The following CTNNA2 variants were observed in gnomAD, a reference collection of about 807,000 sequenced individuals.
CTNNA2 encodes catenin alpha-2.
A neutral mutation model predicts 101.0 loss-of-function variants in CTNNA2; 42 were observed. The observed-to-expected ratio is 0.42, with a 90% CI of 0.32 to 0.54. The LOEUF (loss-of-function observed/expected upper bound fraction) is 0.54, where lower values mean the gene tolerates loss of function less well. CTNNA2 is among the 20% of genes least tolerant of loss of function. The pLI is 0.14. For synonymous variants in CTNNA2, 450 were observed against 456.4 expected, an observed-to-expected ratio of 0.99 and a Z score of 0.18; for missense variants, 871 against 1,223.1, an observed-to-expected ratio of 0.71 and a Z score of 4.29.
intron 7 of CTNNA2, among the ~76,000 whole-genome samples, chr2:80,134,196 G>C (rs548052633): frequency 8.2e-4 from 125 of 152,238 alleles, no homozygotes; most frequent in Non-Finnish European, 1.5e-3. Context: ...CTTGTTTTAA[G>C]ATGAGAGTAG....
At chr2:80,526,762 C>T (rs963119508) in intron 9 of CTNNA2, among the ~76,000 whole-genome samples, 2 of 152,212 alleles carry the variant, frequency 1.3e-5, no homozygotes, top group Non-Finnish European at 2.9e-5. Flanking sequence ...TTAAAACTCA[C>T]ACATTCCAAC....
chr2:79,465,629 C>T (rs945984879), intron 4 of CTNNA2, among the ~76,000 whole-genome samples: 3 of 152,160 alleles, frequency 2.0e-5, no homozygotes, highest in African/African-American at 7.2e-5. Flanking sequence ...GAATGTTCTT[C>T]TATTTGTTTG....
At chr2:79,809,888 G>T (rs994174209) in intron 3 of CTNNA2, among the ~76,000 whole-genome samples, 1 of 151,996 alleles carries the variant, frequency 6.6e-6, no homozygotes, top group Non-Finnish European at 1.5e-5. Flanking sequence ...GTATGGCCTA[G>T]GTTTTCTTCT....
At chr2:79,376,731 C>T (rs543706094) in intron 4 of CTNNA2, among the ~76,000 whole-genome samples, 16 of 152,026 alleles carry the variant, frequency 1.1e-4, no homozygotes, top group African/African-American at 3.4e-4. Context: ...TGAGAACATG[C>T]GGTGTTTGGT....
chr2:79,728,592 T>G (rs1687007541), intron 2 of CTNNA2, among the ~76,000 whole-genome samples: 1 of 152,212 alleles, frequency 6.6e-6, no homozygotes, highest in Non-Finnish European at 1.5e-5. Context: ...AGATCCCATT[T>G]GTCAATTTTG....
At chr2:80,365,366 C>T (rs1030013102) in intron 7 of CTNNA2, among the ~76,000 whole-genome samples, 5 of 152,104 alleles carry the variant, frequency 3.3e-5, no homozygotes, top group Non-Finnish European at 5.9e-5. Flanking sequence ...TAAACACAAC[C>T]GCTTGCCCTC....
At chr2:80,279,086 G>GTGTGTGTGTGTGAA (rs1674158561) in intron 7 of CTNNA2, among the ~76,000 whole-genome samples, 1 of 147,422 alleles carries the variant, frequency 6.8e-6, no homozygotes, top group African/African-American at 2.5e-5. Context: ...GTGTGTGTGT[G>GTGTGTGTGTGTGAA]AAACAGAGAG....
intron 1 of CTNNA2, among the ~76,000 whole-genome samples, chr2:79,515,328 T>C (rs1228998269): frequency 6.6e-6 from 1 of 152,248 alleles, no homozygotes; most frequent in African/African-American, 2.4e-5. Context: ...ATGTTAATTA[T>C]ACATGAGCAT....
intron 7 of CTNNA2, among the ~76,000 whole-genome samples, chr2:80,384,459 A>G (rs1676810375): frequency 6.6e-6 from 1 of 151,966 alleles, no homozygotes; most frequent in African/African-American, 2.4e-5. Context: ...AAAAAAGGAA[A>G]TAGGAGTTCA....
intron 1 of CTNNA2, among the ~76,000 whole-genome samples, chr2:79,650,173 C>G (rs1362638668): frequency 3.9e-5 from 3 of 76,796 alleles, no homozygotes; most frequent in Non-Finnish European, 8.3e-5. Context: ...TATACTTTTT[C>G]GGGGGGGGGG....
At chr2:80,259,607 G>C (rs971423298) in intron 7 of CTNNA2, among the ~76,000 whole-genome samples, 2 of 152,170 alleles carry the variant, frequency 1.3e-5, no homozygotes, top group Non-Finnish European at 2.9e-5. Context: ...TCACTCACCA[G>C]AGTCTCTGTG....
intron 11 of CTNNA2, among the ~76,000 whole-genome samples, chr2:80,547,279 T>C (rs1199084596): frequency 6.6e-6 from 1 of 152,164 alleles, no homozygotes. Flanking sequence ...ACATGCGGCC[T>C]GTGACTAGAA....
At chr2:80,616,284 A>C (rs372885013) in intron 17 of CTNNA2, 1 of 151,746 alleles carries the variant, frequency 6.6e-6, no homozygotes, top group Non-Finnish European at 1.5e-5. Context: ...ACCATAAAAC[A>C]AAATCAAAAC....
chr2:80,521,006 G>A (rs1461315602), intron 9 of CTNNA2, among the ~76,000 whole-genome samples: 2 of 152,184 alleles, frequency 1.3e-5, no homozygotes, highest in Non-Finnish European at 2.9e-5. Context: ...GGCTGAGGCA[G>A]GGGTACCAGG....
chr2:80,598,962 TACACA>T (rs1697231944), intron 15 of CTNNA2, among the ~76,000 whole-genome samples: 1 of 152,268 alleles, frequency 6.6e-6, no homozygotes, highest in East Asian at 1.9e-4. Context: ...AAGCTATACT[TACACA>T]AGTGCATAAA....
chr2:80,647,001 C>T (rs1180983553), intron 18 of CTNNA2, among the ~76,000 whole-genome samples: 1 of 152,032 alleles, frequency 6.6e-6, no homozygotes, highest in Admixed American at 6.6e-5. Context: ...TTCATTAATG[C>T]ATGTATGAGA....
At chr2:79,979,250 G>A (rs1691084626) in intron 7 of CTNNA2, among the ~76,000 whole-genome samples, 1 of 152,146 alleles carries the variant, frequency 6.6e-6, no homozygotes, top group African/African-American at 2.4e-5. Context: ...AGGTGCAGTG[G>A]TGCCTGCCTG....
In CTNNA2 at chr2:79,626,591, A is replaced by G. The variant is rs181626021; in HGVS notation, c.-5-24961A>G. ...AGATGGTTAGAGTGTGTGTGTGTGCATGTATGTGTATGTGCGTGTGTGTGT... is the reference window on the plus strand; with the variant it reads ...AGATGGTTAGAGTGTGTGTGTGTGCGTGTATGTGTATGTGCGTGTGTGTGT... On this transcript the variant is annotated intron_variant, in intron 1 of 18. Transcript: ENST00000402739. Among the ~76,000 whole-genome samples, 66 of 143,804 alleles carry G rather than the reference A, an allele frequency of 4.6e-4. 1 individual carries two copies. The highest frequency in any genetic ancestry group is 1.5e-3 in the African/African-American group (59 of 38,300). The allele number at this position is 143,804 out of a possible 152,430, so 94.3% of individuals were successfully genotyped here.
chr2:79,314,203 G>A (rs1007327823), intron 3 of CTNNA2, among the ~76,000 whole-genome samples: 2 of 152,064 alleles, frequency 1.3e-5, no homozygotes, highest in Non-Finnish European at 2.9e-5. Context: ...CAGGCCCAAG[G>A]GATCTCAGAC....
Sources: gnomAD v4.1 joint callset for allele counts (sites outside exome capture counted in the v4.1 genomes callset) on GRCh38, gnomAD v4.1.1 for gene constraint, MANE v1.5 for transcripts, NCBI Gene and HGNC (gene_info 2026-07-23, HGNC 2026-07-21) for gene names.